MGLL: variants seen among roughly 807,000 people sequenced by gnomAD.
MGLL encodes lysophospholipase homolog.
In MGLL, 7 loss-of-function variants were observed where a neutral mutation model predicts 29.1. That is an observed-to-expected ratio of 0.24 (90% confidence interval 0.14 to 0.45). The LOEUF is 0.45. Ranked by LOEUF, MGLL falls within the 20% of genes least tolerant of loss-of-function variation. MGLL has a pLI of 0.99. For missense variants in MGLL, 356 were observed against 413.6 expected (o/e 0.86, Z 1.21); for synonymous variants, 148 against 168.3 (o/e 0.88, Z 0.93).
At chr3:127,731,022 G>A (rs1201567310) in intron 3 of MGLL, among the ~76,000 whole-genome samples, 3 of 152,196 alleles carry the variant, frequency 2.0e-5, no homozygotes, top group African/African-American at 4.8e-5. Flanking sequence ...GAAATGAATT[G>A]TAGGCAGTGT....
intron 3 of MGLL, among the ~76,000 whole-genome samples, chr3:127,745,435 A>G (rs2076424082): frequency 6.6e-6 from 1 of 152,200 alleles, no homozygotes; most frequent in Non-Finnish European, 1.5e-5. Context: ...CTTAAGTGAA[A>G]TGACTTAGGC....
chr3:127,814,421 A>C (rs2077717849), intron 2 of MGLL, among the ~76,000 whole-genome samples: 1 of 152,238 alleles, frequency 6.6e-6, no homozygotes, highest in Non-Finnish European at 1.5e-5. Context: ...ATATGGGACA[A>C]GGGTCATCTT....
intron 3 of MGLL, among the ~76,000 whole-genome samples, chr3:127,740,835 G>A (rs1310893841): frequency 6.6e-6 from 1 of 152,212 alleles, no homozygotes; most frequent in African/African-American, 2.4e-5. Context: ...CTGGACGTCT[G>A]TTTTCATACA....
chr3:127,712,243 G>A (rs2075729581), intron 5 of MGLL: 1 of 152,254 alleles, frequency 6.6e-6, no homozygotes, highest in Non-Finnish European at 1.5e-5. Context: ...CTTCCCGTGG[G>A]TCTTGGCACC....
intron 6 of MGLL, among the ~76,000 whole-genome samples, chr3:127,703,554 G>C (rs1228136425): frequency 6.6e-6 from 1 of 152,202 alleles, no homozygotes; most frequent in Non-Finnish European, 1.5e-5. Flanking sequence ...GAAGTATTCA[G>C]GCGCATTCAG....
intron 3 of MGLL, among the ~76,000 whole-genome samples, chr3:127,732,909 G>A (rs1164732821): frequency 6.6e-6 from 1 of 152,170 alleles, no homozygotes; most frequent in Admixed American, 6.5e-5. Context: ...CCAGCCCAGG[G>A]CTGTCTGAGC....
chr3:127,716,001 G>C (rs1450201249), intron 5 of MGLL: 1 of 363,672 alleles, frequency 2.7e-6, no homozygotes, highest in Non-Finnish European at 5.5e-6. Flanking sequence ...CCCCCATTGA[G>C]GTGAGACCCC....
At chr3:127,736,852 G>A (rs1348972761) in intron 3 of MGLL, among the ~76,000 whole-genome samples, 8 of 152,060 alleles carry the variant, frequency 5.3e-5, no homozygotes, top group African/African-American at 7.2e-5. Flanking sequence ...ATGTCACCAC[G>A]CCTGGCTAAT....
intron 7 of MGLL, among the ~76,000 whole-genome samples, chr3:127,693,687 C>T (rs576176080): frequency 6.6e-6 from 1 of 152,306 alleles, no homozygotes; most frequent in South Asian, 2.1e-4. Flanking sequence ...CTTAGGGGCA[C>T]CGACTCCTCT....
At chr3:127,818,666 G>A (rs2077804781) in intron 2 of MGLL, among the ~76,000 whole-genome samples, 1 of 152,204 alleles carries the variant, frequency 6.6e-6, no homozygotes, top group South Asian at 2.1e-4. Flanking sequence ...GCTTGGTGGT[G>A]TAAGGAGAAC....
At chr3:127,752,282 A>T (rs2076573864) in intron 3 of MGLL, among the ~76,000 whole-genome samples, 2 of 152,110 alleles carry the variant, frequency 1.3e-5, no homozygotes, top group African/African-American at 4.8e-5. Context: ...TATTTTTAGT[A>T]GAGATGGGGT....
At chr3:127,701,202 G>A (rs1284737029) in intron 6 of MGLL, among the ~76,000 whole-genome samples, 2 of 91,816 alleles carry the variant, frequency 2.2e-5, no homozygotes, top group African/African-American at 1.3e-4. Context: ...GCAAGAGAGC[G>A]AGACCCTGCC....
chr3:127,783,187 C>T (rs1197108281), intron 2 of MGLL, among the ~76,000 whole-genome samples: 2 of 150,962 alleles, frequency 1.3e-5, no homozygotes, highest in African/African-American at 2.4e-5. Flanking sequence ...GTAAGTTGTC[C>T]GAGCCACATG....
intron 2 of MGLL, among the ~76,000 whole-genome samples, chr3:127,794,053 T>G (rs1378083436): frequency 6.6e-6 from 1 of 152,100 alleles, no homozygotes; most frequent in Non-Finnish European, 1.5e-5. Flanking sequence ...GTTATGCCTG[T>G]AATCCCAGCC....
intron 3 of MGLL, among the ~76,000 whole-genome samples, chr3:127,731,113 T>C (rs895320929): frequency 1.3e-4 from 20 of 152,230 alleles, no homozygotes; most frequent in African/African-American, 4.8e-4. Context: ...TTGACCACCA[T>C]GGAAACAGAG....
intron 3 of MGLL, among the ~76,000 whole-genome samples, chr3:127,778,544 T>C (rs915926404): frequency 6.6e-6 from 1 of 152,218 alleles, no homozygotes; most frequent in Admixed American, 6.5e-5. Flanking sequence ...TGAGCCCTTC[T>C]GCTGTCTGGG....
Position 127,734,149 on chromosome 3 carries a change from T to A in MGLL, c.263-11583A>T, listed in dbSNP as rs189681280. ...CCTGTGGGATCCATGGCTGCCTTGA[T>A]GCAGCGCTGCTTTCCCTTGAATCTA... On this transcript the variant is annotated intron_variant, in intron 3 of 7. Coordinates refer to ENST00000265052, the MANE Select transcript of MGLL (RefSeq NM_007283.7). 4.6e-5 allele frequency among the ~76,000 whole-genome samples: 7 copies of A among 152,340 alleles called. No homozygotes were observed. The East Asian group carries it at 1.4e-3, about 29-fold the overall frequency.
chr3:127,754,845 A>G (rs370369581), intron 3 of MGLL, among the ~76,000 whole-genome samples: 1 of 152,148 alleles, frequency 6.6e-6, no homozygotes, highest in East Asian at 1.9e-4. Context: ...TGGGGTGTGC[A>G]TCTTGGGAGC....
At chr3:127,732,599 C>T (rs1259794128) in intron 3 of MGLL, among the ~76,000 whole-genome samples, 2 of 152,252 alleles carry the variant, frequency 1.3e-5, no homozygotes, top group Non-Finnish European at 2.9e-5. Flanking sequence ...GTGCCTAGAG[C>T]TGCTCACCCC....
Sources: allele counts gnomAD v4.1 joint callset (sites outside exome capture counted in the v4.1 genomes callset), GRCh38; gene constraint gnomAD v4.1.1; transcripts MANE v1.5; gene names NCBI Gene and HGNC (gene_info 2026-07-23, HGNC 2026-07-21).